Variants in ZNF395 observed in about 807,000 individuals in gnomAD.
The protein encoded by ZNF395 is HD gene regulatory region-binding protein 2.
A neutral mutation model predicts 57.7 loss-of-function variants in ZNF395; 20 were observed. The observed-to-expected ratio is 0.35, with a 90% CI of 0.24 to 0.50. The LOEUF (loss-of-function observed/expected upper bound fraction) is 0.50, where lower values mean the gene tolerates loss of function less well. Ranked by LOEUF, ZNF395 falls within the 20% of genes least tolerant of loss-of-function variation. ZNF395 has a pLI of 0.97. For synonymous variants in ZNF395, 295 were observed against 275.9 expected (o/e 1.07, Z -0.69); for missense variants, 606 against 671.2 (o/e 0.90, Z 1.07).
At chr8:28,348,879 C>A (rs961364017) in intron 9 of ZNF395, 49 bp from the exon 10 acceptor site, 5 of 1,589,626 alleles carry the variant, frequency 3.1e-6, no homozygotes, top group Non-Finnish European at 4.3e-6. Context: ...GTGGTGGGCC[C>A]AGGAGAGTGG....
At position 28,348,634 on chromosome 8, in the gene ZNF395, G is replaced by T; in HGVS notation, c.*85C>A. ...CCGTGTTTCCGTTCTTTCTCTTTCG[G>T]TTTCTGCTGAGGGCTGGTGACACAC... is the stretch of plus-strand genomic sequence containing the variant. On this transcript the variant is annotated 3_prime_UTR_variant, in exon 10 of 10. Transcript: ENST00000344423. 7.9e-7 allele frequency: 1 copy of T among 1,260,140 alleles called. No homozygotes were observed. The highest frequency in any genetic ancestry group is 1.2e-6 in the Non-Finnish European group (1 of 862,546). The allele number at this position is 1,260,140 out of a possible 1,614,324, so 78.1% of individuals were successfully genotyped here. A position where few individuals can be genotyped will look rare whatever the true frequency, so the allele number is the denominator to read the frequency against.
intron 1 of ZNF395, among the ~76,000 whole-genome samples, chr8:28,366,444 C>T (rs141097508): frequency 1.3e-3 from 195 of 152,238 alleles, no homozygotes; most frequent in African/African-American, 4.3e-3. Context: ...TAGTGGTACA[C>T]GCCTATAGTT....
chr8:28,370,407 G>C (rs1053149226), intron 1 of ZNF395, among the ~76,000 whole-genome samples: 2 of 152,196 alleles, frequency 1.3e-5, no homozygotes, highest in African/African-American at 4.8e-5. Context: ...TTTCTCTGGA[G>C]GAAGCCATTT....
intron 1 of ZNF395, among the ~76,000 whole-genome samples, chr8:28,365,941 G>A (rs547823412): frequency 9.0e-4 from 137 of 152,176 alleles, no homozygotes; most frequent in Non-Finnish European, 1.4e-3. Context: ...CTCAGCACAC[G>A]TAGGCACGCC....
intron 3 of ZNF395, among the ~76,000 whole-genome samples, chr8:28,358,145 T>TTTTTTC (rs1291573286): frequency 6.7e-6 from 1 of 148,820 alleles, no homozygotes; most frequent in African/African-American, 2.5e-5. Flanking sequence ...TTTTTTTCTT[T>TTTTTTC]TTTTTCTTTT....
chr8:28,353,108 TG>T lies in ZNF395; in HGVS notation c.819+64del, dbSNP rs1460172945. 4 of 1,530,834 alleles carry T rather than the reference TG, an allele frequency of 2.6e-6. No individual in the cohort carries two copies. In the Admixed American group the frequency reaches 6.9e-5, roughly 26 times the overall value. The allele number at this position is 1,530,834 out of a possible 1,614,324, so 94.8% of individuals were successfully genotyped here. ...TGCAGGGTCCCCTGCTCTCCACGGC[TG>T]GCTGTCCCCACACAGACATCATCCG... On this transcript the variant is annotated intron_variant, in intron 5 of 9. Coordinates refer to ENST00000344423, the MANE Select transcript of ZNF395 (RefSeq NM_018660.3).
intron 1 of ZNF395, among the ~76,000 whole-genome samples, chr8:28,373,150 T>C (rs1307487426): frequency 2.6e-5 from 4 of 152,052 alleles, no homozygotes; most frequent in African/African-American, 9.7e-5. Context: ...GCATGGAGAT[T>C]TGAGGTTGAA....
intron 1 of ZNF395, among the ~76,000 whole-genome samples, chr8:28,365,714 T>C (rs1801902564): frequency 6.6e-6 from 1 of 152,030 alleles, no homozygotes; most frequent in South Asian, 2.1e-4. Flanking sequence ...ACAGGAGGGG[T>C]TGGCTACCCT....
At chr8:28,367,114 A>C (rs961478225) in intron 1 of ZNF395, among the ~76,000 whole-genome samples, 12 of 151,842 alleles carry the variant, frequency 7.9e-5, no homozygotes, top group Admixed American at 4.6e-4. Context: ...GTGGATTCTC[A>C]GGGCATTCTA....
intron 1 of ZNF395, among the ~76,000 whole-genome samples, chr8:28,362,004 T>C (rs967194311): frequency 6.6e-6 from 1 of 151,652 alleles, no homozygotes; most frequent in African/African-American, 2.4e-5. Context: ...GACAGGAGAA[T>C]TGCTTGAACC....
rs1306815452 is a variant in ZNF395, at chr8:28,351,651, C to A, written c.1077G>T (p.Met359Ile). Residue 359 changes from methionine (M) to isoleucine (I), a missense_variant, in exon 7 of 10, where the codon ATG (methionine) becomes ATT (isoleucine). Around this residue, in one of 3 missense-constraint regions of ZNF395, gnomAD observed 261 missense variants for 240.3 expected, o/e 1.09. Coordinates refer to ENST00000344423, the MANE Select transcript of ZNF395 (RefSeq NM_018660.3). ...PTSEPAPTPS[M>I]TGLPLSALPP... ...GAAGAGCAGACAGAGGCAGGCCAGTCATGCTGGGGGTGGGAGCTGGCTCGG... is the reference window on the plus strand; with the variant it reads ...GAAGAGCAGACAGAGGCAGGCCAGTAATGCTGGGGGTGGGAGCTGGCTCGG... The A allele has an allele frequency of 6.2e-7, 1 of 1,613,370 alleles. No individual in the cohort carries two copies. Among genetic ancestry groups the A allele is most frequent in the Non-Finnish European group, 8.5e-7 (1 of 1,179,932 alleles).
chr8:28,348,871 G>GGT (rs1801641810), intron 9 of ZNF395, 41 bp from the exon 10 acceptor site: 1 of 1,600,684 alleles, frequency 6.2e-7, no homozygotes, highest in Admixed American at 1.7e-5. Flanking sequence ...CCACACAGGT[G>GGT]GTGGGCCCAG....
chr8:28,347,845 A>T lies in ZNF395; in HGVS notation c.*874T>A, dbSNP rs1481270989. Reference sequence around the variant, plus strand: ...AGCATTTCTGAGGCGTCCTTTCAATAACCGGAGGAAGGCGGCGTCAGGAGG... The same window carrying T: ...AGCATTTCTGAGGCGTCCTTTCAATTACCGGAGGAAGGCGGCGTCAGGAGG... On this transcript the variant is annotated 3_prime_UTR_variant, in exon 10 of 10. Transcript: ENST00000344423. The T allele has an allele frequency of 1.3e-5, 2 of 152,246 alleles. No individual in the cohort carries two copies. Among genetic ancestry groups the T allele is most frequent in the African/African-American group, 4.8e-5 (2 of 41,460 alleles). 9.4% of individuals were successfully genotyped at this position (152,246 alleles called of 1,614,324 possible).
Position 28,352,364 on chromosome 8 carries a change from C to T in ZNF395, c.920+209G>A, listed in dbSNP as rs1801726730. ...CTTCCTGCAATGAGGCAAGAAGACA[C>T]ATCCCCAAGATGGACAGAGCTCCCT... On this transcript the variant is annotated intron_variant, in intron 6 of 9. Transcript: ENST00000344423. This position sits in a 1 kb window ranked among gnomAD's most constrained non-coding sequence, Gnocchi z 4.0. 1.3e-5 allele frequency among the ~76,000 whole-genome samples: 2 copies of T among 152,252 alleles called. No homozygotes were observed. The highest frequency in any genetic ancestry group is 2.4e-5 in the African/African-American group (1 of 41,472).
intron 1 of ZNF395, among the ~76,000 whole-genome samples, chr8:28,367,784 C>A (rs1187318032): frequency 6.6e-6 from 1 of 152,186 alleles, no homozygotes; most frequent in Non-Finnish European, 1.5e-5. Flanking sequence ...TTAGACTGAT[C>A]TTAAACAGCT....
chr8:28,361,135 C>T lies in ZNF395; in HGVS notation c.-11G>A. 1 of 1,611,204 alleles carries T rather than the reference C, an allele frequency of 6.2e-7. No homozygotes were observed. Among genetic ancestry groups the T allele is most frequent in the Non-Finnish European group, 8.5e-7 (1 of 1,180,016 alleles). ...CAGGACACTCGCCATGCTGCTGCCT[C>T]TCCTCTCCTGCGGAGGCGAAGGGGA... On this transcript the variant is annotated 5_prime_UTR_variant, in exon 2 of 10. Transcript: ENST00000344423.
At chr8:28,349,670 T>C (rs1801653766) in intron 8 of ZNF395, among the ~76,000 whole-genome samples, 1 of 152,234 alleles carries the variant, frequency 6.6e-6, no homozygotes, top group African/African-American at 2.4e-5. Context: ...TTGTCTCCAG[T>C]GGCCTTGAGA....
At chr8:28,383,682 G>C (rs1193231854) in intron 1 of ZNF395, among the ~76,000 whole-genome samples, 1 of 152,056 alleles carries the variant, frequency 6.6e-6, no homozygotes, top group Non-Finnish European at 1.5e-5. Context: ...TTCAGGCCTT[G>C]AGTACCACTC....
intron 2 of ZNF395, 150 bp downstream of exon 2, chr8:28,360,735 G>T: frequency 9.0e-7 from 1 of 1,110,496 alleles, no homozygotes; most frequent in South Asian, 1.6e-5. Context: ...TCTCTTGGGC[G>T]ATCTGCTGCC....
Sources: gnomAD v4.1 joint callset for allele counts (sites outside exome capture counted in the v4.1 genomes callset) on GRCh38, gnomAD v4.1.1 for gene constraint, gnomAD v4.1.1 regional missense constraint, Gnocchi (gnomAD v3.1) non-coding constraint, MANE v1.5 for transcripts, NCBI Gene and HGNC (gene_info 2026-07-23, HGNC 2026-07-21) for gene names.